ANK2: variants seen among roughly 807,000 people sequenced by gnomAD.
ANK2 encodes ankyrin 2, also known as ankyrin-2.
ANK2 carries 83 observed loss-of-function variants against 360.5 expected under a neutral mutation model. The observed-to-expected ratio is 0.23, with a 90% CI of 0.19 to 0.28. The LOEUF is 0.28. ANK2 is among the 10% of genes least tolerant of loss of function. The pLI is 1.00. For missense variants in ANK2, 4,201 were observed against 4,795.7 expected (o/e 0.88, Z 3.66); for synonymous variants, 1,740 against 1,759.5 (o/e 0.99, Z 0.28).
chr4:112,865,802 T>C (rs771775887), intron 1 of ANK2, among the ~76,000 whole-genome samples: 28 of 152,384 alleles, frequency 1.8e-4, no homozygotes, highest in Admixed American at 2.0e-4. Flanking sequence ...TACATTTCTG[T>C]GCAGCTTTAT....
chr4:112,953,150 A>G (rs2095134981), intron 2 of ANK2, among the ~76,000 whole-genome samples: 1 of 152,238 alleles, frequency 6.6e-6, no homozygotes, highest in South Asian at 2.1e-4. Flanking sequence ...TGGGGTTCAA[A>G]GCCAGATATA....
At chr4:113,344,998 A>T (rs1351637870) in intron 34 of ANK2, among the ~76,000 whole-genome samples, 1 of 152,184 alleles carries the variant, frequency 6.6e-6, no homozygotes, top group Non-Finnish European at 1.5e-5. Context: ...GGTAGTGATG[A>T]TTATACAACA....
At chr4:113,046,381 G>T (rs2064394409), upstream of ANK2, among the ~76,000 whole-genome samples, 1 of 152,024 alleles carries the variant, frequency 6.6e-6, no homozygotes, top group Non-Finnish European at 1.5e-5. Context: ...CACTGCTATG[G>T]CTTGAATATT....
At chr4:113,035,624 C>T (rs1410401277) in intron 2 of ANK2, among the ~76,000 whole-genome samples, 1 of 151,712 alleles carries the variant, frequency 6.6e-6, no homozygotes, top group Non-Finnish European at 1.5e-5. Flanking sequence ...GATGTTTCAC[C>T]TTTATTCTGA....
At chr4:113,171,194 C>CA (rs1380325970) in intron 1 of ANK2, among the ~76,000 whole-genome samples, 2 of 152,122 alleles carry the variant, frequency 1.3e-5, no homozygotes, top group African/African-American at 4.8e-5. Flanking sequence ...AGTTGGGAAA[C>CA]ACAGCATGGT....
At chr4:112,882,759 G>C (rs759310980) in intron 1 of ANK2, among the ~76,000 whole-genome samples, 4 of 151,492 alleles carry the variant, frequency 2.6e-5, no homozygotes. Context: ...GTCACTTACC[G>C]TAGGCAGATA....
At position 113,365,136 on chromosome 4, in the gene ANK2, T is replaced by G. The variant is rs2154053403; in HGVS notation, c.10986T>G (p.His3662Gln). ...AACCTCTCCAGGAGCGCATCAGTCA[T>G]AGTTATGCAGAAATTGAACAGACCA... ...NTEPLQERIS[H>Q]SYAEIEQTIT... Residue 3662 changes from histidine to glutamine, a missense_variant, in exon 41 of 46, where the codon CAT becomes CAG. Physicochemically the swap from His to Gln is conservative, Grantham distance 24 (BLOSUM62 0). Around this residue, in one of 4 missense-constraint regions of ANK2, gnomAD observed 2,642 missense variants for 2,714.5 expected, o/e 0.97. Coordinates refer to ENST00000357077, the MANE Select transcript of ANK2 (RefSeq NM_001148.6). 6.2e-7 allele frequency: 1 copy of G among 1,613,916 alleles called. No homozygotes were observed. Among genetic ancestry groups the G allele is most frequent in the Non-Finnish European group, 8.5e-7 (1 of 1,179,926 alleles).
At chr4:112,799,463 G>A in the ANK2 span, among the ~76,000 whole-genome samples, 130 of 151,666 alleles carry the variant, frequency 8.6e-4, 1 homozygote, top group East Asian at 0.025. Context: ...CCAACTTTAC[G>A]TCCTCTCCAA....
intron 1 of ANK2, among the ~76,000 whole-genome samples, chr4:112,886,641 G>A (rs936437733): frequency 6.6e-6 from 1 of 152,088 alleles, no homozygotes; most frequent in African/African-American, 2.4e-5. Context: ...CAGCTTGGGC[G>A]ACAGAGCGAG....
chr4:113,118,921 C>T (rs1367068622), intron 1 of ANK2, among the ~76,000 whole-genome samples: 1 of 152,098 alleles, frequency 6.6e-6, no homozygotes, highest in East Asian at 1.9e-4. Flanking sequence ...AGCTAGAGTA[C>T]CATGCATACA....
intron 1 of ANK2, among the ~76,000 whole-genome samples, chr4:113,132,407 A>G (rs1339044383): frequency 2.0e-5 from 3 of 152,210 alleles, no homozygotes; most frequent in Non-Finnish European, 4.4e-5. Context: ...ACTTAAGGGA[A>G]TGATCATTTG....
intron 1 of ANK2, among the ~76,000 whole-genome samples, chr4:112,824,161 A>G (rs564960099): frequency 3.3e-5 from 5 of 151,756 alleles, no homozygotes; most frequent in East Asian, 1.9e-4. Context: ...CTATCTATCT[A>G]TCTATCTATC....
At chr4:112,771,191 C>T in the ANK2 span, among the ~76,000 whole-genome samples, 3 of 152,212 alleles carry the variant, frequency 2.0e-5, no homozygotes, top group South Asian at 2.1e-4. Context: ...TGGCTTACCA[C>T]GACCTTCGCC....
chr4:113,000,904 T>TTGTC (rs3029996), intron 2 of ANK2, among the ~76,000 whole-genome samples: 117,819 of 151,644 alleles, frequency 0.78, 45,884 homozygotes, highest in South Asian at 0.87. Context: ...GACTACTTCT[T>TTGTC]TATTTTCCTG....
intron 1 of ANK2, among the ~76,000 whole-genome samples, chr4:112,875,440 G>A (rs572304931): frequency 2.1e-3 from 324 of 152,088 alleles, no homozygotes; most frequent in Non-Finnish European, 4.1e-3. Flanking sequence ...AGCCTCTTGA[G>A]TTGCTTGGAC....
intron 2 of ANK2, among the ~76,000 whole-genome samples, chr4:112,972,856 A>G (rs1033364982): frequency 1.3e-4 from 20 of 152,136 alleles, no homozygotes; most frequent in African/African-American, 4.3e-4. Context: ...TAAATGAAAC[A>G]ATGTCTTTTG....
At chr4:112,939,295 T>C (rs1162799452) in intron 2 of ANK2, among the ~76,000 whole-genome samples, 2 of 152,108 alleles carry the variant, frequency 1.3e-5, no homozygotes, top group Non-Finnish European at 2.9e-5. Context: ...AATAGTTCAT[T>C]CTTTCTTTCT....
At chr4:113,283,824 A>G (rs1451665707) in intron 18 of ANK2, among the ~76,000 whole-genome samples, 1 of 152,224 alleles carries the variant, frequency 6.6e-6, no homozygotes, top group Non-Finnish European at 1.5e-5. Flanking sequence ...CTCCTTCCAT[A>G]AATATACAAA....
intron 1 of ANK2, among the ~76,000 whole-genome samples, chr4:112,830,015 G>T (rs2149653132): frequency 6.6e-6 from 1 of 152,210 alleles, no homozygotes; most frequent in South Asian, 2.1e-4. Context: ...TGCTGGCGAG[G>T]TTGCGGAGAA....
Sources: allele counts gnomAD v4.1 joint callset (sites outside exome capture counted in the v4.1 genomes callset), GRCh38; gene constraint gnomAD v4.1.1; regional missense constraint gnomAD v4.1.1; transcripts MANE v1.5; gene names NCBI Gene and HGNC (gene_info 2026-07-23, HGNC 2026-07-21).